TENM2: variants seen among roughly 807,000 people sequenced by gnomAD.
TENM2 encodes teneurin transmembrane protein 2.
Under a neutral mutation model 245.2 loss-of-function variants are expected in TENM2, and 52 were observed. The observed-to-expected ratio is 0.21, with a 90% CI of 0.17 to 0.27. The LOEUF (loss-of-function observed/expected upper bound fraction) is 0.27, where lower values mean the gene tolerates loss of function less well. Ranked by LOEUF, TENM2 falls within the 10% of genes least tolerant of loss-of-function variation. The probability of loss-of-function intolerance (pLI) is 1.00; values close to 1 mark genes in which losing one functional copy is unlikely to be tolerated. For synonymous variants in TENM2, 1,363 were observed against 1,438.9 expected (o/e 0.95, Z 1.19); for missense variants, 3,046 against 3,666.8 (o/e 0.83, Z 4.37).
chr5:167,290,584 C>T (rs1754575614), intron 1 of TENM2, among the ~76,000 whole-genome samples: 1 of 152,090 alleles, frequency 6.6e-6, no homozygotes, highest in African/African-American at 2.4e-5. Flanking sequence ...AAACTCAGAA[C>T]TTTTTTCCAG....
intron 2 of TENM2, among the ~76,000 whole-genome samples, chr5:167,703,903 G>GC (rs11375837): frequency 0.49 from 74,501 of 151,996 alleles, 21,605 homozygotes; most frequent in East Asian, 0.82. Context: ...AAAAGTTTGT[G>GC]TTTGGTTTTT....
the TENM2 span, among the ~76,000 whole-genome samples, chr5:166,990,838 G>T: frequency 6.6e-6 from 1 of 152,132 alleles, no homozygotes; most frequent in Admixed American, 6.5e-5. Context: ...TTGTTAAAAA[G>T]AACAGATCTA....
At chr5:168,062,250 A>C (rs779579257) in exon 7 of TENM2, 4 of 1,613,656 alleles carry the variant, frequency 2.5e-6, no homozygotes, top group Admixed American at 1.7e-5. Flanking sequence ...GAGGACTTCC[A>C]CCATCTCATG....
At chr5:167,467,595 G>A (rs1401845369) in intron 2 of TENM2, among the ~76,000 whole-genome samples, 1 of 150,854 alleles carries the variant, frequency 6.6e-6, no homozygotes, top group Admixed American at 6.6e-5. Flanking sequence ...CCACATAGAA[G>A]CCCTTCTAAA....
chr5:168,066,324 G>A (rs531336850), intron 7 of TENM2, among the ~76,000 whole-genome samples: 2 of 152,276 alleles, frequency 1.3e-5, no homozygotes, highest in African/African-American at 4.8e-5. Context: ...AACTTTAGTG[G>A]AGGAGGACAT....
chr5:167,183,448 T>G, the TENM2 span, among the ~76,000 whole-genome samples: 3 of 152,204 alleles, frequency 2.0e-5, no homozygotes, highest in African/African-American at 7.2e-5. Context: ...AGCTAGACAA[T>G]ATAGCCAACC....
At chr5:167,719,289 C>T (rs1759466774) in intron 2 of TENM2, among the ~76,000 whole-genome samples, 1 of 152,158 alleles carries the variant, frequency 6.6e-6, no homozygotes, top group African/African-American at 2.4e-5. Context: ...CTCCGCGGGA[C>T]CAAGTCCTGT....
At chr5:168,059,647 C>G (rs947907431) in intron 6 of TENM2, among the ~76,000 whole-genome samples, 1 of 151,594 alleles carries the variant, frequency 6.6e-6, no homozygotes, top group Non-Finnish European at 1.5e-5. Context: ...TTTATTATAT[C>G]CCTTCCCCAA....
At chr5:167,657,907 A>G (rs1310151339) in intron 2 of TENM2, among the ~76,000 whole-genome samples, 1 of 152,232 alleles carries the variant, frequency 6.6e-6, no homozygotes, top group East Asian at 1.9e-4. Flanking sequence ...TGCAATGCAC[A>G]TTAAAAATGC....
At chr5:167,959,891 G>A (rs1222911259) in intron 4 of TENM2, among the ~76,000 whole-genome samples, 3 of 152,244 alleles carry the variant, frequency 2.0e-5, no homozygotes, top group African/African-American at 4.8e-5. Context: ...TTTCTGAGTG[G>A]ACGTCCTTTT....
intron 2 of TENM2, among the ~76,000 whole-genome samples, chr5:167,666,921 G>T (rs1755615535): frequency 1.3e-5 from 2 of 152,124 alleles, no homozygotes; most frequent in African/African-American, 4.8e-5. Context: ...ATCCAGGTTT[G>T]CCTGAGACTG....
chr5:167,915,102 G>A (rs1366661288), intron 3 of TENM2, among the ~76,000 whole-genome samples: 1 of 152,022 alleles, frequency 6.6e-6, no homozygotes, highest in Middle Eastern at 3.2e-3. Flanking sequence ...ATCTTTAGGG[G>A]GCCATTATCC....
the TENM2 span, among the ~76,000 whole-genome samples, chr5:167,177,321 G>A: frequency 4.6e-5 from 7 of 152,134 alleles, no homozygotes; most frequent in South Asian, 2.1e-4. Context: ...AAGGGAAATC[G>A]GTAATTATAT....
chr5:167,862,602 T>C (rs1166808765), intron 2 of TENM2, among the ~76,000 whole-genome samples: 2 of 152,192 alleles, frequency 1.3e-5, no homozygotes, highest in Non-Finnish European at 2.9e-5. Context: ...TTTTCTTATG[T>C]CTTCAGCTGT....
chr5:167,014,148 T>TTTTTTTTTTTG, the TENM2 span, among the ~76,000 whole-genome samples: 1 of 150,210 alleles, frequency 6.7e-6, no homozygotes, highest in African/African-American at 2.4e-5. Context: ...TTCTTTTTTT[T>TTTTTTTTTTTG]TTTTTCTAAA....
chr5:167,958,845 AT>A (rs58240450), intron 4 of TENM2, among the ~76,000 whole-genome samples: 5,029 of 152,256 alleles, frequency 0.033, 200 homozygotes, highest in African/African-American at 0.094. Flanking sequence ...CTGCAGAGAG[AT>A]CCACTGTTAG....
chr5:167,362,950 C>G (rs1369057922), intron 1 of TENM2, among the ~76,000 whole-genome samples: 1 of 152,074 alleles, frequency 6.6e-6, no homozygotes. Context: ...CACACACCTA[C>G]ACACGTATTT....
chr5:167,227,800 T>C, the TENM2 span, among the ~76,000 whole-genome samples: 1 of 152,226 alleles, frequency 6.6e-6, no homozygotes, highest in African/African-American at 2.4e-5. Flanking sequence ...CTAAATGTCT[T>C]GCTAAACTTG....
chr5:167,026,836 A>T, the TENM2 span, among the ~76,000 whole-genome samples: 1 of 152,226 alleles, frequency 6.6e-6, no homozygotes, highest in Admixed American at 6.5e-5. Flanking sequence ...GACAAGCCAC[A>T]TTGCATCAAT....
Sources: gnomAD v4.1 joint callset for allele counts (sites outside exome capture counted in the v4.1 genomes callset) on GRCh38, gnomAD v4.1.1 for gene constraint, MANE v1.5 for transcripts, NCBI Gene and HGNC (gene_info 2026-07-23, HGNC 2026-07-21) for gene names.